CSMD3: variants seen among roughly 807,000 people sequenced by gnomAD.
CSMD3 encodes CUB and Sushi multiple domains 3, also known as CUB and sushi domain-containing protein 3.
CSMD3 carries 177 observed loss-of-function variants against 435.2 expected under a neutral mutation model. The observed-to-expected ratio is 0.41, with a 90% CI of 0.36 to 0.46. CSMD3 has a LOEUF of 0.46. Among genes scored for constraint, CSMD3 ranks in the 20% least tolerant of loss-of-function variants. CSMD3 has a pLI of 0.34. For missense variants in CSMD3, 4,265 were observed against 4,504.6 expected (o/e 0.95, Z 1.52); for synonymous variants, 1,656 against 1,520.5 (o/e 1.09, Z -2.07).
chr8:112,939,052 CA>C (rs1384513153), intron 9 of CSMD3, among the ~76,000 whole-genome samples: 1 of 152,068 alleles, frequency 6.6e-6, no homozygotes, highest in East Asian at 1.9e-4. Flanking sequence ...CCTCTTAATT[CA>C]ATAGGTATGG....
intron 27 of CSMD3, among the ~76,000 whole-genome samples, chr8:112,548,762 C>A (rs978777587): frequency 4.6e-5 from 7 of 151,912 alleles, no homozygotes; most frequent in African/African-American, 1.7e-4. Context: ...AGATCTCTAG[C>A]CAAGAGGTTA....
chr8:112,689,602 A>G (rs1048585561), intron 14 of CSMD3, among the ~76,000 whole-genome samples: 16 of 152,026 alleles, frequency 1.1e-4, no homozygotes, highest in African/African-American at 3.6e-4. Context: ...GCTCTCTAGA[A>G]AGTATAAAAT....
At chr8:113,106,159 G>A (rs2090469073) in intron 4 of CSMD3, among the ~76,000 whole-genome samples, 1 of 151,586 alleles carries the variant, frequency 6.6e-6, no homozygotes, top group South Asian at 2.1e-4. Context: ...CAAAATCAAA[G>A]ATGAATACAT....
intron 11 of CSMD3, among the ~76,000 whole-genome samples, chr8:112,830,435 T>C (rs2079836202): frequency 6.6e-6 from 1 of 152,190 alleles, no homozygotes; most frequent in Non-Finnish European, 1.5e-5. Flanking sequence ...TAAAATATAC[T>C]CATGTATCCA....
At chr8:112,768,133 A>T (rs901149969) in intron 13 of CSMD3, among the ~76,000 whole-genome samples, 5 of 151,702 alleles carry the variant, frequency 3.3e-5, no homozygotes, top group African/African-American at 9.6e-5. Flanking sequence ...CAGATGATTT[A>T]CAAAGCCACA....
At chr8:112,801,927 C>T (rs964554633) in intron 12 of CSMD3, among the ~76,000 whole-genome samples, 4 of 151,852 alleles carry the variant, frequency 2.6e-5, no homozygotes, top group African/African-American at 9.7e-5. Flanking sequence ...TTTTTTACAT[C>T]CTCCTATAAC....
intron 54 of CSMD3, among the ~76,000 whole-genome samples, chr8:112,294,175 T>C (rs894056264): frequency 2.0e-5 from 3 of 152,108 alleles, no homozygotes; most frequent in Non-Finnish European, 2.9e-5. Flanking sequence ...CTAGATGTTC[T>C]ATTATCCTAT....
chr8:112,772,431 C>CTCCCTAAT (rs1333789262), intron 13 of CSMD3, among the ~76,000 whole-genome samples: 1 of 152,092 alleles, frequency 6.6e-6, no homozygotes, highest in Non-Finnish European at 1.5e-5. Flanking sequence ...GTCATCACCA[C>CTCCCTAAT]TCCCTAATCT....
chr8:112,472,380 A>G (rs1030802843), intron 32 of CSMD3, among the ~76,000 whole-genome samples: 3 of 152,134 alleles, frequency 2.0e-5, no homozygotes, highest in African/African-American at 7.2e-5. Flanking sequence ...TCATTTTTGT[A>G]TTGTTGTTCA....
rs551212996 is a variant in CSMD3, at chr8:113,131,021, T to C, written c.710-32058A>G. 2.0e-5 allele frequency among the ~76,000 whole-genome samples: 3 copies of C among 152,222 alleles called. No homozygotes were observed. In the South Asian group the frequency reaches 6.2e-4, roughly 32 times the overall value. ...GAAGAAATTTCTAAGGAGCAAAGTGTTCAAGAAGTAACATGGCTGTTTCTA... is the reference window on the plus strand; with the variant it reads ...GAAGAAATTTCTAAGGAGCAAAGTGCTCAAGAAGTAACATGGCTGTTTCTA... On this transcript the variant is annotated intron_variant, in intron 4 of 70. Coordinates refer to ENST00000297405, the MANE Select transcript of CSMD3 (RefSeq NM_198123.2).
intron 12 of CSMD3, among the ~76,000 whole-genome samples, chr8:112,815,156 A>C (rs1468132795): frequency 6.6e-6 from 1 of 152,162 alleles, no homozygotes; most frequent in Non-Finnish European, 1.5e-5. Context: ...ATGTGGGCCA[A>C]TGCAGTGGAA....
At chr8:113,010,574 G>T (rs2086221193) in intron 6 of CSMD3, among the ~76,000 whole-genome samples, 1 of 151,614 alleles carries the variant, frequency 6.6e-6, no homozygotes, top group African/African-American at 2.4e-5. Flanking sequence ...ATTTATTGTA[G>T]TTGGTACATT....
intron 1 of CSMD3, among the ~76,000 whole-genome samples, chr8:113,337,673 T>A (rs186322598): frequency 2.7e-4 from 41 of 152,056 alleles, no homozygotes; most frequent in African/African-American, 8.7e-4. Flanking sequence ...TTATAAATGA[T>A]ACCATAAGGA....
chr8:112,687,747 A>AT (rs1035253960), intron 14 of CSMD3, among the ~76,000 whole-genome samples: 4 of 151,524 alleles, frequency 2.6e-5, no homozygotes, highest in Non-Finnish European at 4.4e-5. Context: ...GTTTGGCTTG[A>AT]TTTTTTTTTC....
At chr8:112,496,581 A>C (rs550101004) in intron 30 of CSMD3, among the ~76,000 whole-genome samples, 1 of 152,180 alleles carries the variant, frequency 6.6e-6, no homozygotes, top group South Asian at 2.1e-4. Flanking sequence ...ACAAATGCAT[A>C]AAAAAAAGTG....
intron 44 of CSMD3, 150 bp downstream of exon 44, chr8:112,336,502 C>A: frequency 1.5e-6 from 1 of 681,888 alleles, no homozygotes; most frequent in Non-Finnish European, 2.5e-6. Flanking sequence ...GTATGTAATT[C>A]TACAAGACAC....
intron 3 of CSMD3, among the ~76,000 whole-genome samples, chr8:113,239,401 C>A (rs934444301): frequency 5.3e-5 from 8 of 152,050 alleles, no homozygotes; most frequent in African/African-American, 1.9e-4. Context: ...TGAAGAACTG[C>A]ATCAGATGAA....
chr8:113,411,755 G>T (rs78829705), intron 1 of CSMD3, among the ~76,000 whole-genome samples: 1,645 of 152,160 alleles, frequency 0.011, 28 homozygotes, highest in African/African-American at 0.038. Flanking sequence ...ATGATATTGG[G>T]TTGCTGAACT....
intron 38 of CSMD3, among the ~76,000 whole-genome samples, chr8:112,372,059 T>C (rs1436671040): frequency 6.6e-6 from 1 of 151,746 alleles, no homozygotes; most frequent in African/African-American, 2.4e-5. Flanking sequence ...ACAAAAAACA[T>C]GAACACTGAT....
Sources: allele counts gnomAD v4.1 joint callset (sites outside exome capture counted in the v4.1 genomes callset), GRCh38; gene constraint gnomAD v4.1.1; transcripts MANE v1.5; gene names NCBI Gene and HGNC (gene_info 2026-07-23, HGNC 2026-07-21).